The following YAE1 variants were observed in gnomAD, a reference collection of about 807,000 sequenced individuals.
The protein encoded by YAE1 is YAE1 maturation factor of ABCE1.
A neutral mutation model predicts 23.0 loss-of-function variants in YAE1; 22 were observed. The observed-to-expected ratio is 0.96, with a 90% CI of 0.68 to 1.37. YAE1 has a LOEUF of 1.37. YAE1 is among the 40% of genes most tolerant of loss of function. YAE1 has a pLI of 0.00. For missense variants in YAE1, 260 were observed against 262.1 expected (o/e 0.99, Z 0.06); for synonymous variants, 101 against 97.0 (o/e 1.04, Z -0.24).
chr7:39,589,564 CTG>C (rs1379131001), intron 2 of YAE1, among the ~76,000 whole-genome samples: 5 of 152,268 alleles, frequency 3.3e-5, no homozygotes, highest in African/African-American at 1.2e-4. Context: ...CAGCCTGAGA[CTG>C]TATTTTTAAA....
rs1418057922 is a variant in YAE1, at chr7:39,608,654, G to A, written c.252-963G>A. ...AATAAGCTAATTCTATTCAACATAC[G>A]TTTTAGACATGATTACAGTCTAAAC... On this transcript the variant is annotated intron_variant, in intron 2 of 2. Transcript: ENST00000432096. 3.3e-5 allele frequency among the ~76,000 whole-genome samples: 5 copies of A among 152,232 alleles called. No homozygotes were observed. In the South Asian group the frequency reaches 6.2e-4, roughly 19 times the overall value.
intron 1 of YAE1, 144 bp from the exon 2 acceptor site, chr7:39,570,362 T>A: frequency 1.1e-6 from 1 of 932,622 alleles, no homozygotes; most frequent in Non-Finnish European, 1.6e-6. Context: ...TAGTCTGCTT[T>A]AGTTATATTG....
intron 2 of YAE1, among the ~76,000 whole-genome samples, chr7:39,578,843 G>A (rs1177704745): frequency 1.3e-5 from 2 of 152,276 alleles, no homozygotes; most frequent in Middle Eastern, 6.8e-3. Flanking sequence ...AAACAGTTAC[G>A]TTAATATAAT....
At chr7:39,590,168 G>A (rs1369640804) in intron 2 of YAE1, among the ~76,000 whole-genome samples, 1 of 152,142 alleles carries the variant, frequency 6.6e-6, no homozygotes, top group Non-Finnish European at 1.5e-5. Context: ...AGTACATTAA[G>A]TATTTACTAA....
intron 2 of YAE1, among the ~76,000 whole-genome samples, chr7:39,608,552 C>A (rs771669501): frequency 7.2e-5 from 11 of 152,116 alleles, no homozygotes; most frequent in Non-Finnish European, 1.5e-4. Flanking sequence ...CTCTCTTGAC[C>A]ATAATAAGCA....
chr7:39,610,113 G>T, exon 3 of YAE1: 1 of 1,105,978 alleles, frequency 9.0e-7, no homozygotes, highest in Non-Finnish European at 1.3e-6. Context: ...CCTCCGGCAA[G>T]CTAGAACAAT....
chr7:39,608,390 G>C (rs546740603), intron 2 of YAE1, among the ~76,000 whole-genome samples: 1 of 152,174 alleles, frequency 6.6e-6, no homozygotes, highest in Non-Finnish European at 1.5e-5. Flanking sequence ...AAGAGAAGAC[G>C]TAGGGATTGA....
intron 2 of YAE1, among the ~76,000 whole-genome samples, chr7:39,587,280 C>T (rs935008016): frequency 6.6e-6 from 1 of 151,828 alleles, no homozygotes; most frequent in South Asian, 2.1e-4. Context: ...TGGTCTCGAA[C>T]TCCTGACTTC....
At chr7:39,574,733 CAAAAAAAA>C (rs574580885), downstream of YAE1, among the ~76,000 whole-genome samples, 4 of 78,080 alleles carry the variant, frequency 5.1e-5, no homozygotes, top group African/African-American at 8.1e-5. Flanking sequence ...ACTCTGTCTC[CAAAAAAAA>C]AAAAAAAAAA....
At chr7:39,590,152 G>A (rs1001752643) in intron 2 of YAE1, among the ~76,000 whole-genome samples, 3 of 152,118 alleles carry the variant, frequency 2.0e-5, no homozygotes, top group Non-Finnish European at 2.9e-5. Context: ...TATATATTAA[G>A]TATTTAGTAC....
downstream of YAE1, among the ~76,000 whole-genome samples, chr7:39,611,931 A>G (rs1239634635): frequency 1.3e-5 from 2 of 152,232 alleles, no homozygotes; most frequent in African/African-American, 4.8e-5. Flanking sequence ...TTCTGATCAA[A>G]TGGCTTAGAG....
At chr7:39,588,474 G>A (rs560156741) in intron 2 of YAE1, among the ~76,000 whole-genome samples, 2 of 148,524 alleles carry the variant, frequency 1.3e-5, no homozygotes, top group African/African-American at 2.5e-5. Context: ...GTACTCCAGC[G>A]TGGGCAACAA....
At chr7:39,575,492 GGTTAGAGCTTAGTTCTTAGAACTAA>G (rs1790638334), downstream of YAE1, among the ~76,000 whole-genome samples, 1 of 149,688 alleles carries the variant, frequency 6.7e-6, no homozygotes, top group African/African-American at 2.5e-5. Context: ...TTCCAACTAA[GGTTAGAGCTTAGTTCTTAGAACTAA>G]GTTTCCAGTC....
downstream of YAE1, among the ~76,000 whole-genome samples, chr7:39,575,559 AGAGAGAGAGAGAGAGAGAGTGAGTGT>A (rs1357879569): frequency 2.0e-4 from 23 of 112,336 alleles, no homozygotes; most frequent in African/African-American, 9.0e-4. Context: ...AGAGAGAGAG[AGAGAGAGAGAGAGAGAGAGTGAGTGT>A]GTGTGTGTGT....
intron 2 of YAE1, among the ~76,000 whole-genome samples, chr7:39,582,881 G>A (rs1790765178): frequency 6.6e-6 from 1 of 152,228 alleles, no homozygotes; most frequent in South Asian, 2.1e-4. Flanking sequence ...AATGAATGGA[G>A]AAGCTGACAG....
chr7:39,579,884 C>G (rs928415712), intron 2 of YAE1, among the ~76,000 whole-genome samples: 9 of 151,728 alleles, frequency 5.9e-5, no homozygotes, highest in African/African-American at 2.2e-4. Context: ...CCTGTCACTA[C>G]CAAAATAATA....
chr7:39,569,982 C>G, intron 1 of YAE1: 2 of 1,359,662 alleles, frequency 1.5e-6, no homozygotes, highest in East Asian at 4.6e-5. Flanking sequence ...AGATCTTCTC[C>G]CCATTCAGCA....
intron 2 of YAE1, among the ~76,000 whole-genome samples, chr7:39,578,591 C>G (rs1790693364): frequency 6.6e-6 from 1 of 152,130 alleles, no homozygotes; most frequent in African/African-American, 2.4e-5. Flanking sequence ...TCCAGACGCG[C>G]TGCCTTATGA....
chr7:39,567,495 C>G (rs137996965), intron 1 of YAE1, among the ~76,000 whole-genome samples: 1 of 152,138 alleles, frequency 6.6e-6, no homozygotes, highest in Non-Finnish European at 1.5e-5. Context: ...CCTCTCTCTG[C>G]TTTGCCCTGT....
Sources: allele counts gnomAD v4.1 joint callset (sites outside exome capture counted in the v4.1 genomes callset), GRCh38; gene constraint gnomAD v4.1.1; transcripts MANE v1.5; gene names NCBI Gene and HGNC (gene_info 2026-07-23, HGNC 2026-07-21).